The following BBX variants were observed in gnomAD, a reference collection of about 807,000 sequenced individuals.
The protein encoded by BBX is HMG box transcription factor BBX.
BBX carries 30 observed loss-of-function variants against 100.2 expected under a neutral mutation model. The ratio of observed to expected loss-of-function variants is 0.30; its 90% CI spans 0.22 to 0.41. The LOEUF (loss-of-function observed/expected upper bound fraction) is 0.41, where lower values mean the gene tolerates loss of function less well. BBX is among the 10% of genes least tolerant of loss of function. The probability of loss-of-function intolerance (pLI) is 1.00; values close to 1 mark genes in which losing one functional copy is unlikely to be tolerated. For synonymous variants in BBX, 376 were observed against 388.1 expected (o/e 0.97, Z 0.37); for missense variants, 1,023 against 1,129.8 (o/e 0.91, Z 1.35).
chr3:107,681,899 A>G (rs575513218), intron 3 of BBX, among the ~76,000 whole-genome samples: 4 of 152,230 alleles, frequency 2.6e-5, no homozygotes, highest in East Asian at 3.9e-4. Context: ...CCAGAATCTT[A>G]CACCTGCTGA....
chr3:107,688,787 G>A (rs1389317451), intron 3 of BBX, among the ~76,000 whole-genome samples: 1 of 152,028 alleles, frequency 6.6e-6, no homozygotes, highest in Non-Finnish European at 1.5e-5. Context: ...TCCTCAAAAG[G>A]TTGATTTGGG....
intron 2 of BBX, among the ~76,000 whole-genome samples, chr3:107,597,485 GT>G (rs1229214201): frequency 6.6e-6 from 1 of 152,020 alleles, no homozygotes; most frequent in Non-Finnish European, 1.5e-5. Flanking sequence ...CATCATTGGT[GT>G]TTTTCTTCTA....
At chr3:107,694,045 G>T (rs2060386582) in intron 3 of BBX, among the ~76,000 whole-genome samples, 1 of 143,428 alleles carries the variant, frequency 7.0e-6, no homozygotes, top group Non-Finnish European at 1.5e-5. Context: ...CATTGATTTT[G>T]TATCCTGAGA....
At chr3:107,766,312 AG>A (rs1198746901) in intron 10 of BBX, among the ~76,000 whole-genome samples, 2 of 149,692 alleles carry the variant, frequency 1.3e-5, no homozygotes, top group African/African-American at 5.1e-5. Flanking sequence ...ATGACAACCA[AG>A]GAGAAATACA....
Position 107,716,740 on chromosome 3 carries a change from G to T in BBX, c.296G>T (p.Arg99Leu). Residue 99 changes from arginine to leucine, a missense_variant, in exon 5 of 18, where the codon CGT becomes CTT. Coordinates refer to ENST00000325805, the MANE Select transcript of BBX (RefSeq NM_001142568.3). ...TGCAAACGCCATCGCTCTCTTGTAC[G>T]TCAGGAACACCCCAGGCTTGATAAC... ...LFCKRHRSLV[R>L]QEHPRLDNRG... 1 of 1,613,808 alleles carries T rather than the reference G, an allele frequency of 6.2e-7. No homozygotes were observed. The highest frequency in any genetic ancestry group is 1.1e-5 in the South Asian group (1 of 91,072).
intron 3 of BBX, among the ~76,000 whole-genome samples, chr3:107,672,876 A>C (rs189672772): frequency 3.9e-5 from 6 of 152,186 alleles, no homozygotes; most frequent in Admixed American, 3.9e-4. Flanking sequence ...AAATTAAATA[A>C]ACTTTTGTTG....
chr3:107,542,935 T>C (rs1040626203), intron 2 of BBX, among the ~76,000 whole-genome samples: 1 of 117,864 alleles, frequency 8.5e-6, no homozygotes, highest in African/African-American at 2.7e-5. Context: ...GTAAAAGAGC[T>C]TTTTCTCTAT....
chr3:107,541,098 T>G (rs1424207736), intron 2 of BBX, among the ~76,000 whole-genome samples: 1 of 152,188 alleles, frequency 6.6e-6, no homozygotes, highest in Non-Finnish European at 1.5e-5. Flanking sequence ...CAACTTAGAC[T>G]TTACATTGTG....
intron 10 of BBX, among the ~76,000 whole-genome samples, chr3:107,762,128 A>G (rs868800268): frequency 6.6e-6 from 1 of 152,138 alleles, no homozygotes; most frequent in Non-Finnish European, 1.5e-5. Flanking sequence ...CTCATCCCCA[A>G]TTGCACTAGG....
intron 2 of BBX, among the ~76,000 whole-genome samples, chr3:107,544,768 G>A (rs953425553): frequency 3.3e-5 from 5 of 151,114 alleles, no homozygotes; most frequent in Non-Finnish European, 4.4e-5. Flanking sequence ...CACTTTGGGC[G>A]GCCAAGGCGG....
At chr3:107,673,045 G>A (rs1309963136) in intron 3 of BBX, among the ~76,000 whole-genome samples, 1 of 151,926 alleles carries the variant, frequency 6.6e-6, no homozygotes, top group Admixed American at 6.6e-5. Flanking sequence ...TTCAATATGG[G>A]AGTTAAATTG....
At chr3:107,666,505 CACTA>C (rs141943500) in intron 3 of BBX, among the ~76,000 whole-genome samples, 10,010 of 152,272 alleles carry the variant, frequency 0.066, 473 homozygotes, top group Middle Eastern at 0.13. Flanking sequence ...TTTTTAATAA[CACTA>C]ACTGAATTCT....
chr3:107,761,362 G>A lies in BBX; in HGVS notation c.906+5684G>A, dbSNP rs187169392. On this transcript the variant is annotated intron_variant, in intron 10 of 17. Transcript: ENST00000325805. ...TGAGGAGCCATTGAAGATTTGGGAC[G>A]GTGTTACACAGTGATAAAAGCAGCA... 6.9e-3 allele frequency among the ~76,000 whole-genome samples: 1,044 copies of A among 152,192 alleles called. 6 individuals carry two copies. Among genetic ancestry groups the A allele is most frequent in the African/African-American group, 0.023 (952 of 41,522 alleles).
intron 3 of BBX, among the ~76,000 whole-genome samples, chr3:107,706,731 G>A (rs1269754074): frequency 6.6e-6 from 1 of 152,152 alleles, no homozygotes; most frequent in Non-Finnish European, 1.5e-5. Flanking sequence ...ACTTTAAAAT[G>A]TGTGGGCTTT....
At chr3:107,721,716 G>A (rs2062552951) in intron 5 of BBX, among the ~76,000 whole-genome samples, 1 of 151,846 alleles carries the variant, frequency 6.6e-6, no homozygotes, top group Non-Finnish European at 1.5e-5. Context: ...ACATTTAAAT[G>A]TTTATAAACT....
intron 2 of BBX, among the ~76,000 whole-genome samples, chr3:107,587,587 A>G (rs2052952725): frequency 6.6e-6 from 1 of 152,182 alleles, no homozygotes; most frequent in Non-Finnish European, 1.5e-5. Flanking sequence ...GGAGATGCTT[A>G]GAGGAGCCAG....
intron 2 of BBX, among the ~76,000 whole-genome samples, chr3:107,580,873 C>A (rs1412154615): frequency 6.6e-6 from 1 of 152,184 alleles, no homozygotes; most frequent in Non-Finnish European, 1.5e-5. Flanking sequence ...TCAGGTGATC[C>A]GCCCGCCTCG....
At chr3:107,555,347 T>C (rs1185082851) in intron 2 of BBX, among the ~76,000 whole-genome samples, 3 of 152,174 alleles carry the variant, frequency 2.0e-5, no homozygotes, top group African/African-American at 4.8e-5. Flanking sequence ...AAGGAATTTA[T>C]AGATTTCCAA....
rs2067062999 is a variant in BBX, at chr3:107,773,385, T to G, written c.1664T>G (p.Phe555Cys). 1.9e-6 allele frequency: 3 copies of G among 1,613,972 alleles called. No individual in the cohort carries two copies. Among genetic ancestry groups the G allele is most frequent in the Non-Finnish European group, 2.5e-6 (3 of 1,180,002 alleles). ...ACCAAAGAGTCAAGACCTCCAGATT[T>G]CATTAGTATTTCTGCTAGCAAGAAC... Reference protein sequence around the residue: ...DTTKESRPPDFISISASKNIS... With the variant: ...DTTKESRPPDCISISASKNIS... Residue 555 changes from phenylalanine (F) to cysteine (C), a missense_variant, in exon 11 of 18, where the codon TTC becomes TGC. By Grantham distance (205) the Phe-to-Cys change is radical (BLOSUM62 -2). This residue lies in a region of BBX where 348 missense variants were observed against 353.2 expected (regional missense o/e 0.99). Transcript: ENST00000325805. This position sits in a 1 kb window ranked among gnomAD's most constrained non-coding sequence, Gnocchi z 4.1.
Sources: allele counts gnomAD v4.1 joint callset (sites outside exome capture counted in the v4.1 genomes callset), GRCh38; gene constraint gnomAD v4.1.1; regional missense constraint gnomAD v4.1.1; non-coding constraint Gnocchi (gnomAD v3.1); transcripts MANE v1.5; gene names NCBI Gene and HGNC (gene_info 2026-07-23, HGNC 2026-07-21).